The following CNTNAP4 variants were observed in gnomAD, a reference collection of about 807,000 sequenced individuals.
The protein encoded by CNTNAP4 is contactin-associated protein-like 4.
CNTNAP4 carries 98 observed loss-of-function variants against 148.4 expected under a neutral mutation model. The ratio of observed to expected loss-of-function variants is 0.66; its 90% CI spans 0.56 to 0.78. CNTNAP4 has a LOEUF of 0.78. CNTNAP4 is among the 30% of genes least tolerant of loss of function. CNTNAP4 has a pLI of 0.00. For missense variants in CNTNAP4, 1,935 were observed against 1,565.6 expected (o/e 1.24, Z -3.98); for synonymous variants, 730 against 565.1 (o/e 1.29, Z -4.14).
At chr16:76,377,996 CCT>C (rs2015593286) in intron 3 of CNTNAP4, among the ~76,000 whole-genome samples, 1 of 152,198 alleles carries the variant, frequency 6.6e-6, no homozygotes. Flanking sequence ...GAGTTACACA[CCT>C]CTCACAACTA....
At chr16:76,392,073 G>A (rs1302045213) in intron 3 of CNTNAP4, among the ~76,000 whole-genome samples, 3 of 152,066 alleles carry the variant, frequency 2.0e-5, no homozygotes, top group Admixed American at 6.6e-5. Flanking sequence ...TCACTGCAAC[G>A]AGTTCTGCCT....
At chr16:76,385,994 C>G (rs555856221) in intron 3 of CNTNAP4, among the ~76,000 whole-genome samples, 1 of 152,074 alleles carries the variant, frequency 6.6e-6, no homozygotes, top group African/African-American at 2.4e-5. Flanking sequence ...TGAAAAAAAA[C>G]ACTTGTTTAC....
At chr16:76,495,699 T>G (rs994968993) in intron 14 of CNTNAP4, among the ~76,000 whole-genome samples, 10 of 152,090 alleles carry the variant, frequency 6.6e-5, no homozygotes, top group Non-Finnish European at 1.0e-4. Context: ...ACTGCTCTTA[T>G]TTATTATTTG....
At chr16:76,329,090 T>A (rs935522927) in intron 2 of CNTNAP4, among the ~76,000 whole-genome samples, 2 of 152,200 alleles carry the variant, frequency 1.3e-5, no homozygotes, top group African/African-American at 4.8e-5. Flanking sequence ...TAGTACGAAA[T>A]GCAAAATGTC....
At chr16:76,347,896 C>T (rs1462622231) in intron 2 of CNTNAP4, among the ~76,000 whole-genome samples, 1 of 152,124 alleles carries the variant, frequency 6.6e-6, no homozygotes, top group African/African-American at 2.4e-5. Flanking sequence ...GTGAGAACTT[C>T]GTCTTTCACT....
At chr16:76,310,975 G>T (rs1235536472) in intron 1 of CNTNAP4, among the ~76,000 whole-genome samples, 4 of 151,928 alleles carry the variant, frequency 2.6e-5, no homozygotes, top group African/African-American at 9.7e-5. Flanking sequence ...TAATTCTTGT[G>T]CTCTTTTTTC....
At chr16:76,315,463 G>A (rs954418511) in intron 1 of CNTNAP4, among the ~76,000 whole-genome samples, 1 of 152,160 alleles carries the variant, frequency 6.6e-6, no homozygotes, top group African/African-American at 2.4e-5. Flanking sequence ...ATACTCCCAC[G>A]AGCAATGTGT....
chr16:76,515,413 T>TA lies in CNTNAP4; in HGVS notation c.2366-5725dup, dbSNP rs151071898. On this transcript the variant is annotated intron_variant, in intron 15 of 23. Transcript: ENST00000611870. Reference sequence around the variant, plus strand: ...TAATTCAATAGGACCAGTGTCCTTATAAGAAAGAGACACCAGAGACCCCAC... The same window carrying TA: ...TAATTCAATAGGACCAGTGTCCTTATAAAGAAAGAGACACCAGAGACCCCAC... Among the ~76,000 whole-genome samples, 394 of 152,190 alleles carry TA rather than the reference T, an allele frequency of 2.6e-3. 3 individuals are homozygous for TA. Among genetic ancestry groups the TA allele is most frequent in the African/African-American group, 9.0e-3 (374 of 41,528 alleles).
At chr16:76,485,336 C>T (rs564682443) in intron 12 of CNTNAP4, among the ~76,000 whole-genome samples, 118 of 152,238 alleles carry the variant, frequency 7.8e-4, no homozygotes, top group South Asian at 8.3e-4. Context: ...AGGCTGGTCT[C>T]GAACTCCCGA....
intron 10 of CNTNAP4, among the ~76,000 whole-genome samples, chr16:76,474,863 C>T (rs2081506708): frequency 6.6e-6 from 1 of 152,036 alleles, no homozygotes; most frequent in Non-Finnish European, 1.5e-5. Context: ...CTTAACAATG[C>T]CATAACAACT....
chr16:76,468,735 A>G (rs1326258178), intron 10 of CNTNAP4, among the ~76,000 whole-genome samples: 1 of 152,108 alleles, frequency 6.6e-6, no homozygotes, highest in Admixed American at 6.6e-5. Flanking sequence ...CTGGAATTAC[A>G]GGCATGAGTC....
chr16:76,318,912 G>A (rs899276188), intron 2 of CNTNAP4, among the ~76,000 whole-genome samples: 3 of 151,860 alleles, frequency 2.0e-5, no homozygotes, highest in Non-Finnish European at 1.5e-5. Flanking sequence ...AGCAAATAAA[G>A]GTCCTAGTAT....
intron 19 of CNTNAP4, 71 bp from the exon 20 acceptor site, chr16:76,539,648 T>C: frequency 1.6e-6 from 2 of 1,267,106 alleles, no homozygotes; most frequent in East Asian, 5.0e-5. Context: ...AAAAAATCAC[T>C]CTGATTTTTA....
intron 1 of CNTNAP4, among the ~76,000 whole-genome samples, chr16:76,292,032 A>G (rs1367394140): frequency 6.6e-6 from 1 of 152,180 alleles, no homozygotes; most frequent in East Asian, 1.9e-4. Context: ...CTCTATTTTG[A>G]ACTCATTGGT....
At chr16:76,433,487 T>G (rs1008708310) in intron 4 of CNTNAP4, among the ~76,000 whole-genome samples, 3 of 152,154 alleles carry the variant, frequency 2.0e-5, no homozygotes, top group African/African-American at 7.2e-5. Context: ...AAATTCCAAT[T>G]TTTTTACATA....
intron 21 of CNTNAP4, among the ~76,000 whole-genome samples, chr16:76,547,871 A>G (rs1756674132): frequency 6.6e-6 from 1 of 152,214 alleles, no homozygotes; most frequent in Admixed American, 6.5e-5. Flanking sequence ...AGCTTTAGAG[A>G]CAATCTTCCA....
At chr16:76,488,126 G>T (rs1276023122) in intron 12 of CNTNAP4, among the ~76,000 whole-genome samples, 1 of 152,172 alleles carries the variant, frequency 6.6e-6, no homozygotes, top group African/African-American at 2.4e-5. Context: ...CGATAGCCAA[G>T]GTTGAGTTGG....
chr16:76,549,676 T>C (rs200862499), intron 21 of CNTNAP4, among the ~76,000 whole-genome samples: 2 of 149,850 alleles, frequency 1.3e-5, no homozygotes, highest in African/African-American at 2.5e-5. Context: ...TGATTTTTTT[T>C]CCCAAACAAA....
At chr16:76,303,008 A>G (rs1272901927) in intron 1 of CNTNAP4, among the ~76,000 whole-genome samples, 2 of 152,166 alleles carry the variant, frequency 1.3e-5, no homozygotes, top group Non-Finnish European at 2.9e-5. Context: ...TTCTGTACTG[A>G]GCTAATGCAC....
Sources: gnomAD v4.1 joint callset for allele counts (sites outside exome capture counted in the v4.1 genomes callset) on GRCh38, gnomAD v4.1.1 for gene constraint, MANE v1.5 for transcripts, NCBI Gene and HGNC (gene_info 2026-07-23, HGNC 2026-07-21) for gene names.